Variants in TMEM229B observed in about 807,000 individuals in gnomAD.
TMEM229B encodes the protein chromosome 14 open reading frame 83.
A neutral mutation model predicts 13.7 loss-of-function variants in TMEM229B; 6 were observed. The observed-to-expected ratio is 0.44, with a 90% CI of 0.24 to 0.86. The LOEUF is 0.86. TMEM229B is among the 40% of genes least tolerant of loss of function. The pLI, the probability that TMEM229B is intolerant of heterozygous loss-of-function variation, is 0.23. For synonymous variants in TMEM229B, 107 were observed against 102.1 expected, an observed-to-expected ratio of 1.05 and a Z score of -0.29; for missense variants, 170 against 236.0, an observed-to-expected ratio of 0.72 and a Z score of 1.83.
At chr14:67,504,545 T>C (rs539640055) in intron 1 of TMEM229B, among the ~76,000 whole-genome samples, 43 of 152,142 alleles carry the variant, frequency 2.8e-4, no homozygotes, top group Admixed American at 9.2e-4. Context: ...GTGACAATGA[T>C]GGTTTTGATG....
At chr14:67,532,505 CTG>C (rs2033495637) in intron 1 of TMEM229B, among the ~76,000 whole-genome samples, 1 of 152,132 alleles carries the variant, frequency 6.6e-6, no homozygotes, top group Non-Finnish European at 1.5e-5. Context: ...CTGCAAATGT[CTG>C]AGAACGAGGA....
At chr14:67,529,772 G>C (rs1179855088) in intron 1 of TMEM229B, among the ~76,000 whole-genome samples, 1 of 152,136 alleles carries the variant, frequency 6.6e-6, no homozygotes. Context: ...CAAAGATTCA[G>C]CAGTAGAAGT....
In TMEM229B at chr14:67,487,017, G is replaced by T. The variant is rs2140126082; in HGVS notation, c.-36C>A. On this transcript the variant is annotated 5_prime_UTR_variant, in exon 2 of 3. Coordinates refer to ENST00000554480, the MANE Select transcript of TMEM229B (RefSeq NM_001348543.2). ...ATACTCACTTATCACACCCTTGAGTGTGCAGCTCACAACAGACATCAGGAT... is the reference window on the plus strand; with the variant it reads ...ATACTCACTTATCACACCCTTGAGTTTGCAGCTCACAACAGACATCAGGAT... 1 of 152,326 alleles carries T rather than the reference G, an allele frequency of 6.6e-6. No individual in the cohort carries two copies. The highest frequency in any genetic ancestry group is 2.1e-4 in the South Asian group (1 of 4,826). 9.4% of individuals were successfully genotyped at this position (152,326 alleles called of 1,614,324 possible). A position where few individuals can be genotyped will look rare whatever the true frequency, so the allele number is the denominator to read the frequency against.
chr14:67,531,689 A>T (rs2033456705), intron 1 of TMEM229B, among the ~76,000 whole-genome samples: 1 of 150,262 alleles, frequency 6.7e-6, no homozygotes, highest in Non-Finnish European at 1.5e-5. Flanking sequence ...CCGAGGCAGG[A>T]GGATTTCTTG....
chr14:67,518,625 CAT>C (rs1238409590), upstream of TMEM229B, among the ~76,000 whole-genome samples: 1 of 152,228 alleles, frequency 6.6e-6, no homozygotes, highest in Non-Finnish European at 1.5e-5. Flanking sequence ...GGTCCTTAGA[CAT>C]ATATTCTGAA....
chr14:67,526,470 T>G (rs969765381), intron 1 of TMEM229B, among the ~76,000 whole-genome samples: 1 of 152,256 alleles, frequency 6.6e-6, no homozygotes, highest in Non-Finnish European at 1.5e-5. Context: ...TGGTGCCAGA[T>G]GCATGGAACT....
At chr14:67,492,061 TGTCCTTTC>T (rs1343808677), upstream of TMEM229B, among the ~76,000 whole-genome samples, 1 of 152,130 alleles carries the variant, frequency 6.6e-6, no homozygotes, top group Non-Finnish European at 1.5e-5. Context: ...GGAGGCCACC[TGTCCTTTC>T]CCTCTCCTCT....
chr14:67,488,249 C>G (rs1161784175), intron 1 of TMEM229B, among the ~76,000 whole-genome samples: 1 of 152,256 alleles, frequency 6.6e-6, no homozygotes, highest in East Asian at 1.9e-4. Flanking sequence ...ACCAGGGTCT[C>G]TGAGTAGAGG....
chr14:67,525,529 C>A (rs1004502539), intron 1 of TMEM229B, among the ~76,000 whole-genome samples: 1 of 152,172 alleles, frequency 6.6e-6, no homozygotes, highest in Non-Finnish European at 1.5e-5. Context: ...CTTCTCCTAA[C>A]ATAAATTGTG....
intron 1 of TMEM229B, among the ~76,000 whole-genome samples, chr14:67,500,067 C>G (rs1378936656): frequency 6.6e-6 from 1 of 152,270 alleles, no homozygotes; most frequent in Non-Finnish European, 1.5e-5. Context: ...GGTACAGAGT[C>G]TCTGCCCGTA....
chr14:67,482,394 C>T (rs1250205773), intron 2 of TMEM229B, among the ~76,000 whole-genome samples: 1 of 152,220 alleles, frequency 6.6e-6, no homozygotes, highest in Non-Finnish European at 1.5e-5. Flanking sequence ...GGTGCCACAA[C>T]ACAGTGACTC....
At chr14:67,493,656 C>G (rs543853104), upstream of TMEM229B, among the ~76,000 whole-genome samples, 1 of 152,244 alleles carries the variant, frequency 6.6e-6, no homozygotes, top group South Asian at 2.1e-4. Context: ...GAGCATCAGG[C>G]CCCAGCCTGG....
chr14:67,477,351 G>A (rs184896301), intron 2 of TMEM229B, among the ~76,000 whole-genome samples: 6 of 152,108 alleles, frequency 3.9e-5, no homozygotes, highest in East Asian at 1.9e-4. Context: ...TCTGTTAGGC[G>A]TGCCTTTCTC....
chr14:67,484,089 A>AT (rs1233857432), intron 2 of TMEM229B, among the ~76,000 whole-genome samples: 3 of 152,186 alleles, frequency 2.0e-5, no homozygotes, highest in Non-Finnish European at 2.9e-5. Flanking sequence ...GGGACTTTTG[A>AT]TCCCCAGTCC....
At chr14:67,482,797 A>G (rs1031851753) in intron 2 of TMEM229B, among the ~76,000 whole-genome samples, 2 of 152,112 alleles carry the variant, frequency 1.3e-5, no homozygotes, top group Non-Finnish European at 2.9e-5. Context: ...CATGCTGCAG[A>G]CTTCCACCCT....
upstream of TMEM229B, among the ~76,000 whole-genome samples, chr14:67,518,312 G>A (rs1470041382): frequency 2.0e-5 from 3 of 152,232 alleles, no homozygotes; most frequent in African/African-American, 7.2e-5. Context: ...ATGTCTTAAG[G>A]AAGTTCATTT....
chr14:67,490,124 C>T (rs967624707), upstream of TMEM229B, among the ~76,000 whole-genome samples: 3 of 152,088 alleles, frequency 2.0e-5, no homozygotes, highest in South Asian at 2.1e-4. Flanking sequence ...AATTCTTGGG[C>T]GACTGAAACA....
At chr14:67,476,266 G>A (rs1224621144) in intron 2 of TMEM229B, among the ~76,000 whole-genome samples, 4 of 152,166 alleles carry the variant, frequency 2.6e-5, no homozygotes, top group African/African-American at 4.8e-5. Context: ...CAAGCACTTC[G>A]TTCGCATTTT....
intron 1 of TMEM229B, among the ~76,000 whole-genome samples, chr14:67,513,759 A>G (rs1362364077): frequency 6.6e-6 from 1 of 152,156 alleles, no homozygotes; most frequent in East Asian, 1.9e-4. Context: ...CTCACAGGGA[A>G]GCAGATGTAT....
Sources: allele counts gnomAD v4.1 joint callset (sites outside exome capture counted in the v4.1 genomes callset), GRCh38; gene constraint gnomAD v4.1.1; transcripts MANE v1.5; gene names NCBI Gene and HGNC (gene_info 2026-07-23, HGNC 2026-07-21).